Variants in ASGR1 observed in about 807,000 individuals in gnomAD.
ASGR1 encodes asialoglycoprotein receptor 1.
A neutral mutation model predicts 33.1 loss-of-function variants in ASGR1; 35 were observed. That is an observed-to-expected ratio of 1.06 (90% CI 0.81 to 1.40). The LOEUF (loss-of-function observed/expected upper bound fraction) is 1.40. Among genes scored for constraint, ASGR1 ranks in the 40% most tolerant of loss-of-function variants. The pLI, the probability that ASGR1 is intolerant of heterozygous loss-of-function variation, is 0.00. For missense variants in ASGR1, 396 were observed against 373.7 expected (o/e 1.06, Z -0.49); for synonymous variants, 142 against 152.5 (o/e 0.93, Z 0.51).
Position 7,178,462 on chromosome 17 carries a change from G to A in ASGR1, c.70+32C>T, listed in dbSNP as rs779798527. ...GGGGGTGGAGAACCGCCAAATTCTCGCCTTGCAGAGGCAGGGCAAGGTGGC... is the reference window on the plus strand; with the variant it reads ...GGGGGTGGAGAACCGCCAAATTCTCACCTTGCAGAGGCAGGGCAAGGTGGC... On this transcript the variant is annotated intron_variant, in intron 2 of 8. Coordinates refer to ENST00000269299, the MANE Select transcript of ASGR1 (RefSeq NM_001671.5). 2.7e-5 allele frequency: 43 copies of A among 1,605,996 alleles called. 1 individual carries two copies. The Admixed American group carries it at 6.8e-4, about 26-fold the overall frequency.
intron 5 of ASGR1, among the ~76,000 whole-genome samples, chr17:7,175,894 A>G (rs1162104821): frequency 7.2e-6 from 1 of 139,434 alleles, no homozygotes; most frequent in South Asian, 2.3e-4. Context: ...CAGACACTCC[A>G]TCTCATTCTC....
intron 5 of ASGR1, 101 bp downstream of exon 5, chr17:7,176,729 T>G: frequency 6.1e-6 from 9 of 1,471,776 alleles, no homozygotes; most frequent in African/African-American, 1.5e-5. Flanking sequence ...CTCCCTCTCA[T>G]TCTCACACAC....
intron 5 of ASGR1, among the ~76,000 whole-genome samples, chr17:7,175,700 CCCT>C (rs199547789): frequency 0.017 from 2,631 of 150,824 alleles, 79 homozygotes; most frequent in African/African-American, 0.061. Flanking sequence ...CACCCACACT[CCCT>C]CATTCTCACA....
chr17:7,175,850 TCA>T (rs140795886), intron 5 of ASGR1, among the ~76,000 whole-genome samples: 19,772 of 133,396 alleles, frequency 0.15, 1,475 homozygotes, highest in Admixed American at 0.19. Flanking sequence ...CATCTCATTC[TCA>T]CACACACTCC....
At chr17:7,178,331 C>A (rs2069239858) in intron 2 of ASGR1, 163 bp downstream of exon 2, 3 of 743,518 alleles carry the variant, frequency 4.0e-6, no homozygotes, top group Non-Finnish European at 2.3e-6. Flanking sequence ...CCACACTCCG[C>A]CCCTCTCCTG....
At chr17:7,175,253 ACCCT>A (rs1475848205) in intron 5 of ASGR1, among the ~76,000 whole-genome samples, 8 of 148,974 alleles carry the variant, frequency 5.4e-5, no homozygotes, top group African/African-American at 2.5e-5. Flanking sequence ...CACAACATAC[ACCCT>A]CACACACACA....
chr17:7,178,118 A>C, intron 2 of ASGR1: 1 of 290,132 alleles, frequency 3.4e-6, no homozygotes, highest in Non-Finnish European at 6.8e-6. Flanking sequence ...TCACTGACAC[A>C]CACACGCACA....
intron 5 of ASGR1, among the ~76,000 whole-genome samples, chr17:7,175,475 A>G (rs576440284): frequency 4.8e-5 from 7 of 146,360 alleles, no homozygotes; most frequent in African/African-American, 1.6e-4. Context: ...ACACACCCTC[A>G]CCCACTACAC....
chr17:7,173,982 G>C lies in ASGR1; in HGVS notation c.680C>G (p.Thr227Arg), dbSNP rs2069164229. ...QNGPWKWVDGTDYETGFKNWR... is the reference protein window; with the variant it reads ...QNGPWKWVDGRDYETGFKNWR... ...TCACTTGAAGCCCGTCTCGTAGTCCGTCCCGTCCACCCACTTCCAGGGCCC... is the reference window on the plus strand; with the variant it reads ...TCACTTGAAGCCCGTCTCGTAGTCCCTCCCGTCCACCCACTTCCAGGGCCC... The change falls in exon 8 of 9, where the codon ACG becomes AGG. Residue 227 changes from threonine (T) to arginine (R), a missense_variant. By Grantham distance (71) the Thr-to-Arg change is moderately conservative (BLOSUM62 -1). Coordinates refer to ENST00000269299, the MANE Select transcript of ASGR1 (RefSeq NM_001671.5). This position sits in a 1 kb window ranked among gnomAD's most constrained non-coding sequence, Gnocchi z 4.7. 5.6e-6 allele frequency: 9 copies of C among 1,614,200 alleles called. No homozygotes were observed. The highest frequency in any genetic ancestry group is 7.6e-6 in the Non-Finnish European group (9 of 1,179,998).
In ASGR1 at chr17:7,178,524, C is replaced by T. The variant is rs1555598251; in HGVS notation, c.40G>A (p.Glu14Lys). The change falls in exon 2 of 9, where the codon GAG (glutamate) becomes AAG (lysine). Residue 14 changes from glutamate (E) to lysine (K), a missense_variant. Physicochemically the swap from Glu to Lys is moderately conservative, Grantham distance 56 (BLOSUM62 1). Coordinates refer to ENST00000269299, the MANE Select transcript of ASGR1 (RefSeq NM_001671.5). ...CTGAGCTGATGGTGGTCACTCTCCT[C>T]ATTGTCCAGATGCTGAAGGTCTTGA... ...EYQDLQHLDN[E>K]ESDHHQLRKG... 1.9e-6 allele frequency: 3 copies of T among 1,614,094 alleles called. No individual in the cohort carries two copies. The highest frequency in any genetic ancestry group is 3.3e-5 in the Admixed American group (2 of 60,000).
Position 7,173,928 on chromosome 17 carries a change from C to T in ASGR1, c.701+33G>A. ...CCAGGGCCCCAGGGCGCGAAGGCGG[C>T]CGGACCCAGGCCGAGGGAGGGCGCG... On this transcript the variant is annotated intron_variant, in intron 8 of 8. Coordinates refer to ENST00000269299, the MANE Select transcript of ASGR1 (RefSeq NM_001671.5). This position sits in a 1 kb window ranked among gnomAD's most constrained non-coding sequence, Gnocchi z 4.7. 1.2e-6 allele frequency: 2 copies of T among 1,613,132 alleles called. No homozygotes were observed. Among genetic ancestry groups the T allele is most frequent in the South Asian group, 1.1e-5 (1 of 91,050 alleles).
In ASGR1 at chr17:7,177,423, G is replaced by A. The variant is rs996834934; in HGVS notation, c.71-97C>T. On this transcript the variant is annotated intron_variant, in intron 2 of 8. Coordinates refer to ENST00000269299, the MANE Select transcript of ASGR1 (RefSeq NM_001671.5). ...GTAGCAAGCTAAGGCGGCCCTAGTA[G>A]TCTAGGAGGAACCATGTACATGAAG... The A allele has an allele frequency of 8.7e-6, 8 of 923,546 alleles. No individual in the cohort carries two copies. In the African/African-American group the frequency reaches 1.2e-4, roughly 14 times the overall value. The allele number at this position is 923,546 out of a possible 1,614,324, so 57.2% of individuals were successfully genotyped here. A position where few individuals can be genotyped will look rare whatever the true frequency, so the allele number is the denominator to read the frequency against.
At chr17:7,175,160 ACAC>A (rs1489736247) in intron 5 of ASGR1, among the ~76,000 whole-genome samples, 3 of 150,090 alleles carry the variant, frequency 2.0e-5, no homozygotes, top group Non-Finnish European at 4.4e-5. Flanking sequence ...CAAAACACAC[ACAC>A]AATACACCCT....
intron 5 of ASGR1, 61 bp downstream of exon 5, chr17:7,176,769 C>T: frequency 1.2e-5 from 19 of 1,585,064 alleles, no homozygotes; most frequent in Non-Finnish European, 1.5e-5. Context: ...TTCTCACACA[C>T]ATCCACACAT....
At chr17:7,175,097 C>A (rs978647160) in intron 5 of ASGR1, among the ~76,000 whole-genome samples, 1 of 147,218 alleles carries the variant, frequency 6.8e-6, no homozygotes, top group Admixed American at 6.8e-5. Flanking sequence ...ACAGACAACA[C>A]ACAAAACACA....
Position 7,173,449 on chromosome 17 carries a change from T to C in ASGR1, c.*210A>G, listed in dbSNP as rs961371509. 3 of 540,692 alleles carry C rather than the reference T, an allele frequency of 5.5e-6. No individual in the cohort carries two copies. Among genetic ancestry groups the C allele is most frequent in the Non-Finnish European group, 6.0e-6 (2 of 335,666 alleles). 33.5% of individuals were successfully genotyped at this position (540,692 alleles called of 1,614,324 possible). Reference sequence around the variant, plus strand: ...CAGAAGGTTTAGGTATATTTCTTTTTACTCTTAAAAAAAAAAAGTTCACAA... The same window carrying C: ...CAGAAGGTTTAGGTATATTTCTTTTCACTCTTAAAAAAAAAAAGTTCACAA... On this transcript the variant is annotated 3_prime_UTR_variant, in exon 9 of 9. Transcript: ENST00000269299. The surrounding 1 kb of genome is among the most constrained non-coding windows in gnomAD (Gnocchi z 4.7).
At chr17:7,178,131 CTCGCACGACCGGGG>C in intron 2 of ASGR1, 1 of 309,432 alleles carries the variant, frequency 3.2e-6, no homozygotes, top group Non-Finnish European at 6.3e-6. Flanking sequence ...CACGCACACG[CTCGCACGACCGGGG>C]TCCCTGGGTG....
chr17:7,177,410 G>A, intron 2 of ASGR1, 84 bp from the exon 3 acceptor site: 3 of 1,135,850 alleles, frequency 2.6e-6, no homozygotes, highest in East Asian at 2.5e-5. Context: ...AGCAAGCTAA[G>A]GCGGCCCTAG....
chr17:7,176,986 G>T lies in ASGR1; in HGVS notation c.278C>A (p.Thr93Asn). The T allele has an allele frequency of 6.2e-7, 1 of 1,609,958 alleles. No individual in the cohort carries two copies. Among genetic ancestry groups the T allele is most frequent in the Non-Finnish European group, 8.5e-7 (1 of 1,179,492 alleles). The change falls in exon 4 of 9, where the codon ACC becomes AAC. Residue 93 changes from threonine to asparagine, a missense_variant. Coordinates refer to ENST00000269299, the MANE Select transcript of ASGR1 (RefSeq NM_001671.5). ...STEAQVKGLS[T>N]QGGNVGRKMK... ...CCCCGCCCCAGCGCCCTCACCCTGG[G>T]TGCTCAAGCCCTTGACCTGGGCCTC...
Sources: gnomAD v4.1 joint callset for allele counts (sites outside exome capture counted in the v4.1 genomes callset) on GRCh38, gnomAD v4.1.1 for gene constraint, Gnocchi (gnomAD v3.1) non-coding constraint, MANE v1.5 for transcripts, NCBI Gene and HGNC (gene_info 2026-07-23, HGNC 2026-07-21) for gene names.